WASF2: variants seen among roughly 807,000 people sequenced by gnomAD.
WASF2 encodes the protein WASP family member 2.
A neutral mutation model predicts 45.0 loss-of-function variants in WASF2; 14 were observed. The ratio of observed to expected loss-of-function variants is 0.31; its 90% CI spans 0.21 to 0.49. The LOEUF (loss-of-function observed/expected upper bound fraction) is 0.49, where lower values mean the gene tolerates loss of function less well. WASF2 is among the 20% of genes least tolerant of loss of function. The probability of loss-of-function intolerance (pLI) is 0.99; values close to 1 mark genes in which losing one functional copy is unlikely to be tolerated. For missense variants in WASF2, 439 were observed against 636.1 expected, an observed-to-expected ratio of 0.69 and a Z score of 3.33; for synonymous variants, 200 against 236.3, an observed-to-expected ratio of 0.85 and a Z score of 1.41.
chr1:27,458,084 C>A (rs908457048), intron 1 of WASF2, among the ~76,000 whole-genome samples: 1 of 151,688 alleles, frequency 6.6e-6, no homozygotes, highest in Non-Finnish European at 1.5e-5. Context: ...CCGAGACAGG[C>A]GGATTGCCTG....
chr1:27,418,519 T>C, intron 3 of WASF2, 97 bp from the exon 4 acceptor site: 1 of 1,516,784 alleles, frequency 6.6e-7, no homozygotes, highest in Non-Finnish European at 9.0e-7. Context: ...CTGCACTTCT[T>C]GGCTGTGGCT....
At chr1:27,427,290 C>T (rs1300711474) in intron 2 of WASF2, among the ~76,000 whole-genome samples, 3 of 152,080 alleles carry the variant, frequency 2.0e-5, no homozygotes, top group South Asian at 4.1e-4. Flanking sequence ...ATCAACACCA[C>T]CCTGGAAAAA....
intron 1 of WASF2, among the ~76,000 whole-genome samples, chr1:27,439,425 T>C (rs1283091990): frequency 1.3e-5 from 2 of 152,218 alleles, no homozygotes. Context: ...TTAAGCATTA[T>C]ACAATACTGT....
chr1:27,479,390 C>A (rs372018671), intron 1 of WASF2, among the ~76,000 whole-genome samples: 158 of 152,158 alleles, frequency 1.0e-3, no homozygotes, highest in African/African-American at 3.6e-3. Flanking sequence ...GGGCTGGAGA[C>A]CAGCCTTAGC....
Position 27,404,865 on chromosome 1 carries a change from G to C in WASF2, c.*3324C>G, listed in dbSNP as rs188568736. On this transcript the variant is annotated 3_prime_UTR_variant, in exon 9 of 9. Coordinates refer to ENST00000618852, the MANE Select transcript of WASF2 (RefSeq NM_006990.5). ...TGAGGCACATCTCTGCGCGACACCT[G>C]GTCCCAGGTCAGTTGGACCCCAGCA... 4.6e-5 allele frequency: 7 copies of C among 152,394 alleles called. No individual in the cohort carries two copies. In the East Asian group the frequency reaches 1.4e-3, roughly 29 times the overall value. The allele number at this position is 152,394 out of a possible 1,614,324, so 9.4% of individuals were successfully genotyped here.
At chr1:27,415,571 T>C (rs1257958154) in intron 5 of WASF2, among the ~76,000 whole-genome samples, 1 of 151,678 alleles carries the variant, frequency 6.6e-6, no homozygotes, top group African/African-American at 2.4e-5. Flanking sequence ...GCCCAGCCCG[T>C]AGCGAAGGCA....
At position 27,414,154 on chromosome 1, in the gene WASF2, T is replaced by C. The variant is rs2016798653; in HGVS notation, c.668+679A>G. On this transcript the variant is annotated intron_variant, in intron 6 of 8. Transcript: ENST00000618852. The surrounding 1 kb of genome is among the most constrained non-coding windows in gnomAD (Gnocchi z 4.1). ...GCCAAGCAGTCATGGTGACTTGGCT[T>C]TGAATGTCAACCAGGTCAGACACCA... Among the ~76,000 whole-genome samples, 1 of 152,216 alleles carries C rather than the reference T, an allele frequency of 6.6e-6. No individual in the cohort carries two copies. Among genetic ancestry groups the C allele is most frequent in the Non-Finnish European group, 1.5e-5 (1 of 68,034 alleles).
chr1:27,476,462 T>C (rs1451110523), intron 1 of WASF2, among the ~76,000 whole-genome samples: 3 of 152,176 alleles, frequency 2.0e-5, no homozygotes, highest in Non-Finnish European at 4.4e-5. Flanking sequence ...CCTGCCCCCA[T>C]GACCCAAACA....
intron 1 of WASF2, among the ~76,000 whole-genome samples, chr1:27,484,811 C>CAAAAA (rs58153446): frequency 5.7e-4 from 71 of 124,592 alleles, no homozygotes; most frequent in Non-Finnish European, 9.5e-4. Context: ...GACTCTGTCT[C>CAAAAA]AAAAAAAAAA....
At position 27,410,837 on chromosome 1, in the gene WASF2, G is replaced by A. The variant is rs1281459444; in HGVS notation, c.825-631C>T. Among the ~76,000 whole-genome samples, 1 of 152,190 alleles carries A rather than the reference G, an allele frequency of 6.6e-6. No individual in the cohort carries two copies. The highest frequency in any genetic ancestry group is 1.5e-5 in the Non-Finnish European group (1 of 68,034). On this transcript the variant is annotated intron_variant, in intron 7 of 8. Transcript: ENST00000618852. This position sits in a 1 kb window ranked among gnomAD's most constrained non-coding sequence, Gnocchi z 4.2. ...GAATCTGCAGAGATGGGAAATGAAT[G>A]TGCCACCAGACTCCTGACCCAGGCC... is the stretch of plus-strand genomic sequence containing the variant.
chr1:27,435,322 G>T lies in WASF2; in HGVS notation c.-43-6389C>A. On this transcript the variant is annotated intron_variant, in intron 1 of 8. Transcript: ENST00000618852. ...AGACTCGGGCCAGGCACAGTAGCTC[G>T]CACCTGTAATCCCAACACTTTGGGA... 1.3e-5 allele frequency among the ~76,000 whole-genome samples: 2 copies of T among 152,026 alleles called. 1 individual carries two copies. Among genetic ancestry groups the T allele is most frequent in the South Asian group, 4.1e-4 (2 of 4,822 alleles).
At chr1:27,480,781 G>A (rs913568882) in intron 1 of WASF2, among the ~76,000 whole-genome samples, 3 of 152,134 alleles carry the variant, frequency 2.0e-5, no homozygotes, top group East Asian at 1.9e-4. Context: ...TTGGGAGGCC[G>A]AGGCGGGTGG....
At chr1:27,416,198 C>T (rs2016824212) in intron 4 of WASF2, 96 bp from the exon 5 acceptor site, 1 of 1,026,190 alleles carries the variant, frequency 9.7e-7, no homozygotes, top group Non-Finnish European at 1.5e-6. Context: ...AGTTTTTACA[C>T]CAAGGAATCA....
intron 2 of WASF2, among the ~76,000 whole-genome samples, chr1:27,421,115 G>A (rs2016902901): frequency 6.6e-6 from 1 of 152,122 alleles, no homozygotes; most frequent in Non-Finnish European, 1.5e-5. Flanking sequence ...TCTAATCAAG[G>A]AAGAAGCAAG....
In WASF2 at chr1:27,410,903, T is replaced by C. The variant is rs932567974; in HGVS notation, c.825-697A>G. Among the ~76,000 whole-genome samples, 1 of 152,252 alleles carries C rather than the reference T, an allele frequency of 6.6e-6. No individual in the cohort carries two copies. Among genetic ancestry groups the C allele is most frequent in the Non-Finnish European group, 1.5e-5 (1 of 68,048 alleles). ...GCTACACCTCTCCTGGGATCAGATT[T>C]GCTCGGCTGCAGCTGCAAGGTCTCA... is the stretch of plus-strand genomic sequence containing the variant. On this transcript the variant is annotated intron_variant, in intron 7 of 8. Coordinates refer to ENST00000618852, the MANE Select transcript of WASF2 (RefSeq NM_006990.5). The surrounding 1 kb of genome is among the most constrained non-coding windows in gnomAD (Gnocchi z 4.2).
intron 1 of WASF2, among the ~76,000 whole-genome samples, chr1:27,437,707 G>A (rs568645403): frequency 2.6e-5 from 4 of 152,194 alleles, no homozygotes; most frequent in Non-Finnish European, 4.4e-5. Context: ...ATCTAAATGG[G>A]CTTTTACTTT....
At chr1:27,475,621 C>A (rs1049683763) in intron 1 of WASF2, among the ~76,000 whole-genome samples, 1 of 151,948 alleles carries the variant, frequency 6.6e-6, no homozygotes, top group African/African-American at 2.4e-5. Context: ...CTTTTTATGT[C>A]TTTTTGTTTT....
Position 27,409,832 on chromosome 1 carries a change from G to A in WASF2, c.1199C>T (p.Pro400Leu), listed in dbSNP as rs150974534. The A allele has an allele frequency of 3.0e-5, 45 of 1,484,302 alleles. No individual in the cohort carries two copies. Among genetic ancestry groups the A allele is most frequent in the African/African-American group, 8.4e-5 (6 of 71,344 alleles). The allele number at this position is 1,484,302 out of a possible 1,614,324, so 91.9% of individuals were successfully genotyped here. ...APPPPPPPPP[P>L]GPPPPPFTGA... ...AGTGAAAGGGGGAGGAGGGGGCCCC[G>A]GAGGAGGAGGAGGAGGGGGAGGAGG... Residue 400 changes from proline to leucine, a missense_variant, in exon 8 of 9, where the codon CCG becomes CTG. Transcript: ENST00000618852.
At chr1:27,453,828 G>C (rs2017418318) in intron 1 of WASF2, among the ~76,000 whole-genome samples, 1 of 152,024 alleles carries the variant, frequency 6.6e-6, no homozygotes, top group African/African-American at 2.4e-5. Flanking sequence ...GGCAGAGGTT[G>C]CAGTGAGCTG....
Sources: gnomAD v4.1 joint callset for allele counts (sites outside exome capture counted in the v4.1 genomes callset) on GRCh38, gnomAD v4.1.1 for gene constraint, Gnocchi (gnomAD v3.1) non-coding constraint, MANE v1.5 for transcripts, NCBI Gene and HGNC (gene_info 2026-07-23, HGNC 2026-07-21) for gene names.